OR6J1: variants seen among roughly 807,000 people sequenced by gnomAD.
The protein encoded by OR6J1 is olfactory receptor 6J1.
For synonymous variants in OR6J1, 109 were observed against 70.0 expected (o/e 1.56, Z -2.78); for missense variants, 304 against 166.8 (o/e 1.82, Z -4.53).
In OR6J1 at chr14:22,634,532, C is replaced by T. The variant is rs751617141; in HGVS notation, c.280G>A (p.Ala94Thr). The T allele has an allele frequency of 1.6e-5, 11 of 704,074 alleles. No homozygotes were observed. Among genetic ancestry groups the T allele is most frequent in the Non-Finnish European group, 2.6e-5 (10 of 385,122 alleles). 43.6% of individuals were successfully genotyped at this position (704,074 alleles called of 1,614,324 possible). A position where few individuals can be genotyped will look rare whatever the true frequency, so the allele number is the denominator to read the frequency against. ...LGSRDKTISF[A>T]GCITQCYFYF... ...AAATAGCACTGGGTGATACATCCGG[C>T]AAAGGAGATGGTTTTATCCCTAGAT... is the stretch of plus-strand genomic sequence containing the variant. Residue 94 changes from alanine (A) to threonine (T), a missense_variant, in exon 2 of 2, where the codon GCC becomes ACC. Transcript: ENST00000540461.
intron 1 of OR6J1, among the ~76,000 whole-genome samples, chr14:22,643,764 C>CAGAGAGAGAG (rs1233027589): frequency 0.017 from 632 of 37,654 alleles, 54 homozygotes; most frequent in East Asian, 0.024. Flanking sequence ...CACACACACA[C>CAGAGAGAGAG]AGAGAGAGAG....
At chr14:22,641,282 A>AAGG (rs2037646561) in intron 1 of OR6J1, among the ~76,000 whole-genome samples, 1 of 73,730 alleles carries the variant, frequency 1.4e-5, no homozygotes, top group African/African-American at 5.2e-5. Context: ...AGGAAGGAAG[A>AAGG]AAGAGAAGAA....
chr14:22,638,430 T>C (rs1468734008), intron 1 of OR6J1, among the ~76,000 whole-genome samples: 1 of 78,698 alleles, frequency 1.3e-5, no homozygotes, highest in Admixed American at 1.1e-4. Context: ...AAGATGTGCT[T>C]TGTTAAACAG....
chr14:22,638,941 TC>T (rs1205942587), intron 1 of OR6J1, among the ~76,000 whole-genome samples: 1 of 109,004 alleles, frequency 9.2e-6, no homozygotes, highest in African/African-American at 4.8e-5. Flanking sequence ...CGGCCGCCCA[TC>T]GTCTGAGATG....
chr14:22,641,337 G>GACA, intron 1 of OR6J1, among the ~76,000 whole-genome samples: 1 of 142,452 alleles, frequency 7.0e-6, no homozygotes, highest in South Asian at 2.2e-4. Flanking sequence ...AAGGAAGAAA[G>GACA]GAGGGAGGGA....
intron 1 of OR6J1, among the ~76,000 whole-genome samples, chr14:22,643,796 GAGACAGCAGTT>G (rs2037671023): frequency 6.8e-6 from 1 of 147,338 alleles, no homozygotes; most frequent in Admixed American, 6.7e-5. Context: ...GAGAGAGAGA[GAGACAGCAGTT>G]ACTAAATGTA....
Position 22,633,863 on chromosome 14 carries a change from C to G in OR6J1, c.949G>C (p.Ala317Pro). 1 of 702,828 alleles carries G rather than the reference C, an allele frequency of 1.4e-6. No individual in the cohort carries two copies. The highest frequency in any genetic ancestry group is 2.6e-6 in the Non-Finnish European group (1 of 384,830). 43.5% of individuals were successfully genotyped at this position (702,828 alleles called of 1,614,324 possible). Residue 317 changes from alanine (A) to proline (P), a missense_variant, in exon 2 of 2, where the codon GCA becomes CCA. Physicochemically the swap from Ala to Pro is conservative, Grantham distance 27. Transcript: ENST00000540461. ...GAGGATAATCTGCTTCTCAGCACTGCCCTCATCCTCTTTTCAAAAACTCCT... is the reference window on the plus strand; with the variant it reads ...GAGGATAATCTGCTTCTCAGCACTGGCCTCATCCTCTTTTCAAAAACTCCT... ...VRGVFEKRMR[A>P]VLRSRLSSNK...
rs1213597786 is a variant in OR6J1 at position 22,636,691 on chromosome 14, C to T, written c.-27-1853G>A. ...TCAGCCTCCCGGGGTGCCGGGATTG[C>T]GGACGGAGTCTCGTTCACTCAGTGC... On this transcript the variant is annotated intron_variant, in intron 1 of 1. Coordinates refer to ENST00000540461, the MANE Select transcript of OR6J1 (RefSeq NM_001348233.2). Among the ~76,000 whole-genome samples, 23 of 116,780 alleles carry T rather than the reference C, an allele frequency of 2.0e-4. 2 individuals carry two copies. Among genetic ancestry groups the T allele is most frequent in the African/African-American group, 1.1e-3 (23 of 21,116 alleles). The allele number at this position is 116,780 out of a possible 152,430, so 76.6% of individuals were successfully genotyped here.
At chr14:22,639,404 G>A (rs1197161807) in intron 1 of OR6J1, among the ~76,000 whole-genome samples, 1 of 131,714 alleles carries the variant, frequency 7.6e-6, no homozygotes, top group Non-Finnish European at 1.6e-5. Context: ...CGTCCGGGAG[G>A]TGAGGGGCGC....
At position 22,633,068 on chromosome 14, in the gene OR6J1, C is replaced by T. The variant is rs2037557471; in HGVS notation, c.*700G>A. 1 of 152,192 alleles carries T rather than the reference C, an allele frequency of 6.6e-6. No homozygotes were observed. The highest frequency in any genetic ancestry group is 2.4e-5 in the African/African-American group (1 of 41,430). 9.4% of individuals were successfully genotyped at this position (152,192 alleles called of 1,614,324 possible). A position where few individuals can be genotyped will look rare whatever the true frequency, so the allele number is the denominator to read the frequency against. On this transcript the variant is annotated 3_prime_UTR_variant, in exon 2 of 2. Transcript: ENST00000540461. ...AAAAGTCGTATCTGTTTACACAGCT[C>T]CTCTGGTCCAGCCAAGCCACACAGG... is the stretch of plus-strand genomic sequence containing the variant.
intron 1 of OR6J1, among the ~76,000 whole-genome samples, chr14:22,635,570 G>A (rs2037577884): frequency 6.6e-6 from 1 of 152,148 alleles, no homozygotes; most frequent in Admixed American, 6.5e-5. Context: ...GCTTGCATTG[G>A]CAGATATTGA....
chr14:22,642,390 G>A (rs2037659481), intron 1 of OR6J1, among the ~76,000 whole-genome samples: 2 of 145,144 alleles, frequency 1.4e-5, no homozygotes. Flanking sequence ...CCAGGCTGGA[G>A]TGCAGTGGCA....
intron 1 of OR6J1, among the ~76,000 whole-genome samples, chr14:22,643,762 CACAGAGAGAGAGAGAG>C (rs1484661893): frequency 1.3e-4 from 7 of 53,122 alleles, no homozygotes; most frequent in African/African-American, 5.1e-4. Flanking sequence ...CACACACACA[CACAGAGAGAGAGAGAG>C]AGAGAGAGAG....
At chr14:22,640,239 AT>A (rs2037633867) in intron 1 of OR6J1, among the ~76,000 whole-genome samples, 19 of 103,756 alleles carry the variant, frequency 1.8e-4, no homozygotes, top group Non-Finnish European at 2.9e-4. Context: ...GGAAGGAAGG[AT>A]GGAAGGAAGG....
chr14:22,635,472 G>T (rs1457746902), intron 1 of OR6J1, among the ~76,000 whole-genome samples: 2 of 152,162 alleles, frequency 1.3e-5, no homozygotes, highest in Admixed American at 1.3e-4. Flanking sequence ...TAATGACATT[G>T]TGATGCCATT....
Position 22,633,691 on chromosome 14 carries a change from G to T in OR6J1, c.*77C>A, listed in dbSNP as rs367637419. The T allele has an allele frequency of 5.0e-6, 3 of 601,712 alleles. No homozygotes were observed. Among genetic ancestry groups the T allele is most frequent in the African/African-American group, 1.9e-5 (1 of 53,854 alleles). 37.3% of individuals were successfully genotyped at this position (601,712 alleles called of 1,614,324 possible). On this transcript the variant is annotated 3_prime_UTR_variant, in exon 2 of 2. Transcript: ENST00000540461. ...GGCCAGCGTTCAAGTCTCTGTCTCC[G>T]CAGTCAGTCTTTCCACTATAGACTA...
Position 22,633,770 on chromosome 14 carries a change from A to G in OR6J1, c.1042T>C (p.Ter348GlnextTer12), listed in dbSNP as rs1244370991. Residue 348 changes from the stop codon to glutamine, a stop_lost, in exon 2 of 2, where the codon TAG (stop) becomes CAG (glutamine). Transcript: ENST00000540461. ...TCACTAAGGCAGCTCCTCTCTTTCT[A>G]ACACTGGAGCTTTACAGAATAGACA... ...PCVYSVKLQC[*>Q] 1 of 673,788 alleles carries G rather than the reference A, an allele frequency of 1.5e-6. No individual in the cohort carries two copies. Among genetic ancestry groups the G allele is most frequent in the Non-Finnish European group, 2.7e-6 (1 of 372,384 alleles). 41.7% of individuals were successfully genotyped at this position (673,788 alleles called of 1,614,324 possible).
chr14:22,636,176 G>C (rs2037581709), intron 1 of OR6J1, among the ~76,000 whole-genome samples: 1 of 149,922 alleles, frequency 6.7e-6, no homozygotes, highest in South Asian at 2.1e-4. Context: ...TGTACAAAAA[G>C]ATGCTTGATC....
intron 1 of OR6J1, among the ~76,000 whole-genome samples, chr14:22,636,975 C>G (rs1364318559): frequency 7.9e-6 from 1 of 126,586 alleles, no homozygotes; most frequent in Non-Finnish European, 1.6e-5. Context: ...CGAGGAGCGC[C>G]TCTTCCCGGC....
Sources: gnomAD v4.1 joint callset for allele counts (sites outside exome capture counted in the v4.1 genomes callset) on GRCh38, gnomAD v4.1.1 for gene constraint, MANE v1.5 for transcripts, NCBI Gene and HGNC (gene_info 2026-07-23, HGNC 2026-07-21) for gene names.